Variants in PRKAR2B observed in about 807,000 individuals in gnomAD.
PRKAR2B encodes the protein cAMP-dependent protein kinase type II-beta regulatory subunit.
In PRKAR2B, 14 loss-of-function variants were observed where a neutral mutation model predicts 49.9. That is an observed-to-expected ratio of 0.28 (90% CI 0.19 to 0.44). The LOEUF is 0.44. Ranked by LOEUF, PRKAR2B falls within the 20% of genes least tolerant of loss-of-function variation. The pLI is 1.00. For synonymous variants in PRKAR2B, 196 were observed against 197.7 expected (o/e 0.99, Z 0.07); for missense variants, 393 against 537.9 (o/e 0.73, Z 2.67).
Position 107,044,929 on chromosome 7 carries a change from G to A in PRKAR2B, c.22G>A (p.Gly8Arg). 6.3e-7 allele frequency: 1 copy of A among 1,599,360 alleles called. No individual in the cohort carries two copies. Among genetic ancestry groups the A allele is most frequent in the Non-Finnish European group, 8.5e-7 (1 of 1,175,262 alleles). Reference protein sequence around the residue: MSIEIPAGLTELLQGFTV... With the variant: MSIEIPARLTELLQGFTV... ...CAGGATGAGCATCGAGATCCCGGCG[G>A]GACTGACGGAGCTGCTGCAGGGCTT... The change falls in exon 1 of 11, where the codon GGA becomes AGA. Residue 8 changes from glycine to arginine, a missense_variant. Transcript: ENST00000265717.
At chr7:107,155,442 C>G (rs957197980) in intron 8 of PRKAR2B, among the ~76,000 whole-genome samples, 2 of 152,098 alleles carry the variant, frequency 1.3e-5, no homozygotes, top group African/African-American at 4.8e-5. Context: ...TGAGGAATTG[C>G]TACACTGTCC....
At chr7:107,114,711 G>C (rs907698795) in intron 2 of PRKAR2B, among the ~76,000 whole-genome samples, 1 of 151,758 alleles carries the variant, frequency 6.6e-6, no homozygotes. Context: ...CAAATGAAGA[G>C]CAAATTTTTA....
intron 2 of PRKAR2B, among the ~76,000 whole-genome samples, chr7:107,094,354 T>G (rs1293176478): frequency 6.6e-6 from 1 of 152,146 alleles, no homozygotes. Flanking sequence ...TGATGGGGTT[T>G]TTTGATTTTT....
chr7:107,103,534 A>T (rs1795014340), intron 2 of PRKAR2B, among the ~76,000 whole-genome samples: 1 of 152,226 alleles, frequency 6.6e-6, no homozygotes, highest in Admixed American at 6.5e-5. Flanking sequence ...CTAGAAGCTC[A>T]GATAGCCTGA....
intron 5 of PRKAR2B, among the ~76,000 whole-genome samples, chr7:107,141,412 G>A (rs971684626): frequency 3.9e-5 from 6 of 152,122 alleles, no homozygotes; most frequent in Admixed American, 6.6e-5. Context: ...CAAAATTGGC[G>A]GAGTGTGGCG....
intron 2 of PRKAR2B, among the ~76,000 whole-genome samples, chr7:107,075,261 C>G (rs1794374505): frequency 6.6e-6 from 1 of 151,906 alleles, no homozygotes; most frequent in Non-Finnish European, 1.5e-5. Context: ...CACCACCATG[C>G]CTGGCTAATT....
At chr7:107,115,497 T>C (rs1795256585) in intron 2 of PRKAR2B, among the ~76,000 whole-genome samples, 1 of 152,198 alleles carries the variant, frequency 6.6e-6, no homozygotes, top group Non-Finnish European at 1.5e-5. Flanking sequence ...TAGGAAAATA[T>C]TAAAAATTGA....
chr7:107,068,301 T>C (rs543596054), intron 1 of PRKAR2B, among the ~76,000 whole-genome samples: 1 of 152,270 alleles, frequency 6.6e-6, no homozygotes, highest in South Asian at 2.1e-4. Context: ...ATGTCTACTA[T>C]ATTTTTGCCC....
chr7:107,146,684 G>A (rs1044432117), intron 6 of PRKAR2B, among the ~76,000 whole-genome samples: 4 of 152,178 alleles, frequency 2.6e-5, no homozygotes, highest in Admixed American at 2.6e-4. Context: ...CTTGGGACCT[G>A]GTGGCCCAGG....
chr7:107,094,947 C>T (rs1277382627), intron 2 of PRKAR2B, among the ~76,000 whole-genome samples: 2 of 152,136 alleles, frequency 1.3e-5, no homozygotes, highest in African/African-American at 2.4e-5. Flanking sequence ...CATGATGCCT[C>T]CAGCTTTGTT....
chr7:107,061,439 AT>A (rs150684467), intron 1 of PRKAR2B, among the ~76,000 whole-genome samples: 10,397 of 152,198 alleles, frequency 0.068, 523 homozygotes, highest in South Asian at 0.18. Context: ...CTCCATAAGG[AT>A]TTTGCTATCT....
chr7:107,097,603 G>A (rs185100280), intron 2 of PRKAR2B, among the ~76,000 whole-genome samples: 11 of 152,214 alleles, frequency 7.2e-5, no homozygotes, highest in South Asian at 4.2e-4. Flanking sequence ...CCTTCCTAGC[G>A]TGGATGGTCT....
chr7:107,070,260 T>G (rs368481575), intron 1 of PRKAR2B, 21 bp from the exon 2 acceptor site: 5 of 1,596,230 alleles, frequency 3.1e-6, no homozygotes, highest in Non-Finnish European at 4.3e-6. Flanking sequence ...TCTAATCATA[T>G]TATTCTGCTT....
chr7:107,118,449 T>G (rs1445192346), intron 2 of PRKAR2B, among the ~76,000 whole-genome samples: 1 of 120,090 alleles, frequency 8.3e-6, no homozygotes, highest in East Asian at 2.3e-4. Flanking sequence ...CAACCAGTCA[T>G]TTATTTAAAA....
At chr7:107,145,835 G>T (rs1234804998) in intron 5 of PRKAR2B, among the ~76,000 whole-genome samples, 1 of 150,260 alleles carries the variant, frequency 6.7e-6, no homozygotes, top group Non-Finnish European at 1.5e-5. Flanking sequence ...CGTCTCCCAG[G>T]TTCAAGTGAT....
intron 2 of PRKAR2B, among the ~76,000 whole-genome samples, chr7:107,097,563 G>T (rs1185139817): frequency 2.0e-5 from 3 of 152,124 alleles, no homozygotes; most frequent in Non-Finnish European, 4.4e-5. Flanking sequence ...GATGTTAGCT[G>T]GTTATTTTGC....
At chr7:107,140,391 G>T (rs1050548870) in intron 4 of PRKAR2B, among the ~76,000 whole-genome samples, 1 of 152,150 alleles carries the variant, frequency 6.6e-6, no homozygotes, top group African/African-American at 2.4e-5. Flanking sequence ...CCAAAAAGAA[G>T]ATTGGAATCA....
rs541614006 is a variant in PRKAR2B, at chr7:107,064,023, TG to T, written c.308-6257del. ...AGCAGAAAGTGAATTTATATCGTCT[TG>T]ACAGTGGCGTTTCCCACTCCTTTCT... On this transcript the variant is annotated intron_variant, in intron 1 of 10. Coordinates refer to ENST00000265717, the MANE Select transcript of PRKAR2B (RefSeq NM_002736.3). Among the ~76,000 whole-genome samples, 1,399 of 152,318 alleles carry T rather than the reference TG, an allele frequency of 9.2e-3. 22 individuals are homozygous for T. Among genetic ancestry groups the T allele is most frequent in the African/African-American group, 0.032 (1,324 of 41,554 alleles).
chr7:107,153,496 C>T (rs1481930470), intron 8 of PRKAR2B, among the ~76,000 whole-genome samples: 1 of 152,110 alleles, frequency 6.6e-6, no homozygotes, highest in African/African-American at 2.4e-5. Flanking sequence ...TTTTCTGCAT[C>T]ATTGTAGTCA....
Sources: gnomAD v4.1 joint callset for allele counts (sites outside exome capture counted in the v4.1 genomes callset) on GRCh38, gnomAD v4.1.1 for gene constraint, MANE v1.5 for transcripts, NCBI Gene and HGNC (gene_info 2026-07-23, HGNC 2026-07-21) for gene names.